RBM5: variants seen among roughly 807,000 people sequenced by gnomAD.
RBM5 encodes the protein RNA-binding protein 5.
In RBM5, 15 loss-of-function variants were observed where a neutral mutation model predicts 124.6. The ratio of observed to expected loss-of-function variants is 0.12; its 90% CI spans 0.08 to 0.19. The LOEUF (loss-of-function observed/expected upper bound fraction) is 0.19, where lower values mean the gene tolerates loss of function less well. RBM5 is among the 10% of genes least tolerant of loss of function. The pLI is 1.00. For synonymous variants in RBM5, 337 were observed against 361.2 expected (o/e 0.93, Z 0.76); for missense variants, 580 against 1,026.5 (o/e 0.57, Z 5.94).
chr3:50,102,003 A>G (rs2090949201), intron 6 of RBM5: 1 of 152,212 alleles, frequency 6.6e-6, no homozygotes, highest in African/African-American at 2.4e-5. Context: ...GCCTTTAGAT[A>G]TCGCAGAGAC....
chr3:50,116,870 A>G, intron 22 of RBM5: 1 of 568,500 alleles, frequency 1.8e-6, no homozygotes, highest in Non-Finnish European at 3.1e-6. Flanking sequence ...CCCTGGTTCC[A>G]CACAATTCAT....
At chr3:50,090,216 G>A (rs2090679756) in intron 1 of RBM5, 166 bp from the exon 2 acceptor site, 2 of 478,936 alleles carry the variant, frequency 4.2e-6, no homozygotes, top group Non-Finnish European at 7.5e-6. Context: ...ATGTTAGCAC[G>A]ATTTTAACGT....
intron 10 of RBM5, 93 bp downstream of exon 10, chr3:50,105,802 A>T: frequency 7.3e-7 from 1 of 1,373,302 alleles, no homozygotes; most frequent in Non-Finnish European, 9.9e-7. Flanking sequence ...GAGGCTCCTA[A>T]AGCCCAAGAT....
chr3:50,100,136 C>A lies in RBM5; in HGVS notation c.409+85C>A. On this transcript the variant is annotated intron_variant, in intron 5 of 24. Transcript: ENST00000347869. The surrounding 1 kb of genome is among the most constrained non-coding windows in gnomAD (Gnocchi z 5.1). Reference sequence around the variant, plus strand: ...TAAAGAACATCCTGATTCCCCCAGTCTTCAAGCACATGAATTCAGAATGAA... The same window carrying A: ...TAAAGAACATCCTGATTCCCCCAGTATTCAAGCACATGAATTCAGAATGAA... 8.3e-7 allele frequency: 1 copy of A among 1,203,974 alleles called. No homozygotes were observed. Among genetic ancestry groups the A allele is most frequent in the Non-Finnish European group, 1.2e-6 (1 of 837,174 alleles). The allele number at this position is 1,203,974 out of a possible 1,614,324, so 74.6% of individuals were successfully genotyped here. A position where few individuals can be genotyped will look rare whatever the true frequency, so the allele number is the denominator to read the frequency against.
At chr3:50,097,819 G>A (rs1328489672) in intron 4 of RBM5, among the ~76,000 whole-genome samples, 2 of 152,278 alleles carry the variant, frequency 1.3e-5, no homozygotes, top group African/African-American at 2.4e-5. Context: ...ATGTTTACCT[G>A]GCCTGGTGCG....
chr3:50,118,706 C>G lies in RBM5; in HGVS notation c.*250C>G, dbSNP rs1319336996. ...GAGAGGACAGTGGATTGTTTATACT[C>G]CAGTGTACATAGTGTAATGTAGCGT... is the stretch of plus-strand genomic sequence containing the variant. On this transcript the variant is annotated 3_prime_UTR_variant, in exon 25 of 25. Transcript: ENST00000347869. 2.2e-5 allele frequency: 12 copies of G among 555,422 alleles called. No homozygotes were observed. Among genetic ancestry groups the G allele is most frequent in the Non-Finnish European group, 3.2e-5 (10 of 312,018 alleles). 34.4% of individuals were successfully genotyped at this position (555,422 alleles called of 1,614,324 possible).
intron 14 of RBM5, among the ~76,000 whole-genome samples, chr3:50,108,829 T>C (rs2091088244): frequency 6.6e-6 from 1 of 152,164 alleles, no homozygotes; most frequent in Non-Finnish European, 1.5e-5. Flanking sequence ...AGAGACCATG[T>C]TGTGATGAGT....
At chr3:50,097,438 T>G (rs1191513263) in intron 4 of RBM5, among the ~76,000 whole-genome samples, 1 of 151,860 alleles carries the variant, frequency 6.6e-6, no homozygotes. Context: ...ATTTGAGTGT[T>G]AGAAATTTTA....
At chr3:50,115,732 C>T in intron 21 of RBM5, 125 bp downstream of exon 21, 1 of 1,288,628 alleles carries the variant, frequency 7.8e-7, no homozygotes, top group Non-Finnish European at 1.1e-6. Context: ...GAAAGCTGTT[C>T]CCGATGACAG....
intron 17 of RBM5, among the ~76,000 whole-genome samples, chr3:50,111,156 A>C (rs2091135985): frequency 6.6e-6 from 1 of 152,184 alleles, no homozygotes; most frequent in Non-Finnish European, 1.5e-5. Flanking sequence ...GTTGCCATAG[A>C]TTATTTTGTC....
chr3:50,108,371 G>A, intron 14 of RBM5, 67 bp downstream of exon 14: 1 of 1,400,838 alleles, frequency 7.1e-7, no homozygotes, highest in Non-Finnish European at 1.0e-6. Context: ...ATGATTAAAT[G>A]TCCTAACTGG....
intron 21 of RBM5, 135 bp from the exon 22 acceptor site, chr3:50,115,768 ACAT>A (rs2091238402): frequency 8.5e-7 from 1 of 1,171,296 alleles, no homozygotes; most frequent in Non-Finnish European, 1.2e-6. Flanking sequence ...AGCTCCACAC[ACAT>A]CAAACTATAG....
At chr3:50,107,699 T>TTTTTTTTTTC in intron 12 of RBM5, 130 bp downstream of exon 12, 1 of 536,740 alleles carries the variant, frequency 1.9e-6, no homozygotes. Context: ...TTTTTTTTTT[T>TTTTTTTTTTC]TTTTGAGACA....
At chr3:50,116,997 A>T (rs1559699727) in intron 22 of RBM5, 77 bp from the exon 23 acceptor site, 1 of 1,288,500 alleles carries the variant, frequency 7.8e-7, no homozygotes, top group African/African-American at 1.5e-5. Context: ...TTGAGGGGAT[A>T]GTTTTGAATA....
At chr3:50,115,261 C>T in intron 20 of RBM5, 167 bp from the exon 21 acceptor site, 2 of 751,160 alleles carry the variant, frequency 2.7e-6, no homozygotes, top group Non-Finnish European at 4.2e-6. Flanking sequence ...CACTCAAGGA[C>T]CTGACTGCTC....
intron 3 of RBM5, chr3:50,092,925 T>C (rs2090729964): frequency 4.5e-6 from 1 of 220,454 alleles, no homozygotes; most frequent in African/African-American, 2.4e-5. Context: ...AGTTGTTGTT[T>C]TGGTCATCTT....
intron 4 of RBM5, among the ~76,000 whole-genome samples, chr3:50,098,401 A>G (rs2090867486): frequency 6.6e-6 from 1 of 151,914 alleles, no homozygotes; most frequent in Admixed American, 6.6e-5. Context: ...CCAGGTAACT[A>G]GGACTACAGG....
At chr3:50,106,315 T>C (rs1448775934) in intron 10 of RBM5, among the ~76,000 whole-genome samples, 4 of 151,828 alleles carry the variant, frequency 2.6e-5, no homozygotes, top group Non-Finnish European at 5.9e-5. Flanking sequence ...TAATTTTTTG[T>C]ATTTTTAGTA....
At chr3:50,106,326 G>T (rs71326917) in intron 10 of RBM5, among the ~76,000 whole-genome samples, 1 of 151,808 alleles carries the variant, frequency 6.6e-6, no homozygotes, top group African/African-American at 2.4e-5. Context: ...ATTTTTAGTA[G>T]AGATGGGGTT....
Sources: allele counts gnomAD v4.1 joint callset (sites outside exome capture counted in the v4.1 genomes callset), GRCh38; gene constraint gnomAD v4.1.1; non-coding constraint Gnocchi (gnomAD v3.1); transcripts MANE v1.5; gene names NCBI Gene and HGNC (gene_info 2026-07-23, HGNC 2026-07-21).